The following PTPRD variants were observed in gnomAD, a reference collection of about 807,000 sequenced individuals.
PTPRD encodes receptor-type tyrosine-protein phosphatase delta.
A neutral mutation model predicts 214.5 loss-of-function variants in PTPRD; 34 were observed. That is an observed-to-expected ratio of 0.16 (90% CI 0.12 to 0.21). The LOEUF (loss-of-function observed/expected upper bound fraction) is 0.21. Among genes scored for constraint, PTPRD ranks in the 10% least tolerant of loss-of-function variants. The pLI, the probability that PTPRD is intolerant of heterozygous loss-of-function variation, is 1.00. For missense variants in PTPRD, 2,545 were observed against 2,398.7 expected, an observed-to-expected ratio of 1.06 and a Z score of -1.27; for synonymous variants, 1,128 against 845.7, an observed-to-expected ratio of 1.33 and a Z score of -5.79.
At chr9:8,730,975 C>T (rs141115177) in intron 12 of PTPRD, among the ~76,000 whole-genome samples, 8 of 152,272 alleles carry the variant, frequency 5.3e-5, no homozygotes, top group Non-Finnish European at 1.2e-4. Flanking sequence ...TACAAACACA[C>T]GTCTAGCTTT....
chr9:8,779,860 G>C (rs967186376), intron 11 of PTPRD, among the ~76,000 whole-genome samples: 15 of 149,184 alleles, frequency 1.0e-4, no homozygotes, highest in Non-Finnish European at 1.9e-4. Context: ...CTTGGACTGT[G>C]GGTATGATCA....
At chr9:8,973,401 T>G (rs10816024) in intron 11 of PTPRD, among the ~76,000 whole-genome samples, 74,050 of 151,890 alleles carry the variant, frequency 0.49, 18,553 homozygotes, top group East Asian at 0.76. Flanking sequence ...GATTTCATTC[T>G]TTTTTATGGC....
chr9:9,091,953 G>A (rs577902654), intron 10 of PTPRD, among the ~76,000 whole-genome samples: 5 of 152,130 alleles, frequency 3.3e-5, no homozygotes, highest in African/African-American at 1.2e-4. Flanking sequence ...TATCTGCCAG[G>A]ATTAGACAAT....
At chr9:9,493,849 T>A (rs1589819320) in intron 8 of PTPRD, among the ~76,000 whole-genome samples, 1 of 150,460 alleles carries the variant, frequency 6.6e-6, no homozygotes. Context: ...TAAGGTTATA[T>A]CTATCATAGA....
intron 10 of PTPRD, among the ~76,000 whole-genome samples, chr9:9,108,615 GA>G (rs955375311): frequency 6.6e-6 from 1 of 152,012 alleles, no homozygotes; most frequent in Non-Finnish European, 1.5e-5. Context: ...CGAAGCAATG[GA>G]AAAAAACAGT....
At chr9:9,046,218 T>G (rs1268276415) in intron 10 of PTPRD, among the ~76,000 whole-genome samples, 1 of 152,166 alleles carries the variant, frequency 6.6e-6, no homozygotes, top group Non-Finnish European at 1.5e-5. Flanking sequence ...AAGCTAGTTG[T>G]TATAATTAGA....
At chr9:8,557,332 A>T (rs1362169686) in intron 14 of PTPRD, among the ~76,000 whole-genome samples, 2 of 151,630 alleles carry the variant, frequency 1.3e-5, no homozygotes, top group Non-Finnish European at 2.9e-5. Flanking sequence ...AACTCAATAC[A>T]TGTCATGCTC....
At chr9:9,092,485 AGTG>A (rs1240441803) in intron 10 of PTPRD, among the ~76,000 whole-genome samples, 1 of 152,086 alleles carries the variant, frequency 6.6e-6, no homozygotes, top group Non-Finnish European at 1.5e-5. Context: ...GGACAAGGGA[AGTG>A]TATTCATAAA....
intron 3 of PTPRD, among the ~76,000 whole-genome samples, chr9:10,188,676 G>A (rs1370625276): frequency 6.6e-6 from 1 of 151,934 alleles, no homozygotes; most frequent in Non-Finnish European, 1.5e-5. Context: ...AGTCATGGGT[G>A]TGCATGAGCA....
intron 14 of PTPRD, among the ~76,000 whole-genome samples, chr9:8,586,866 G>A (rs888787789): frequency 1.3e-4 from 20 of 152,210 alleles, no homozygotes; most frequent in African/African-American, 3.6e-4. Context: ...AACTGAAGCC[G>A]GCTGGGCGCC....
intron 3 of PTPRD, among the ~76,000 whole-genome samples, chr9:10,239,167 T>G (rs2099638635): frequency 6.6e-6 from 1 of 151,986 alleles, no homozygotes; most frequent in African/African-American, 2.4e-5. Flanking sequence ...TTAAAAAAGA[T>G]TAATCTTAGA....
intron 11 of PTPRD, among the ~76,000 whole-genome samples, chr9:8,949,148 C>G (rs1380989635): frequency 6.7e-6 from 1 of 149,256 alleles, no homozygotes. Context: ...CGCTTGAACC[C>G]GGGAGGTGGA....
chr9:10,190,920 G>C (rs9969755), intron 3 of PTPRD, among the ~76,000 whole-genome samples: 6 of 152,000 alleles, frequency 3.9e-5, no homozygotes, highest in Non-Finnish European at 5.9e-5. Flanking sequence ...TAAGGCACCA[G>C]TTAACTATTG....
chr9:9,709,611 G>C (rs553296407), intron 7 of PTPRD, among the ~76,000 whole-genome samples: 2 of 152,088 alleles, frequency 1.3e-5, no homozygotes, highest in East Asian at 3.9e-4. Context: ...GCTTTATTAA[G>C]TAGTACATTT....
At chr9:8,928,343 A>G (rs917514839) in intron 11 of PTPRD, among the ~76,000 whole-genome samples, 2 of 152,134 alleles carry the variant, frequency 1.3e-5, no homozygotes, top group Non-Finnish European at 2.9e-5. Flanking sequence ...TAGGTCTAAC[A>G]TTTAAGTCTT....
At chr9:10,553,165 A>C (rs770675930) in intron 2 of PTPRD, among the ~76,000 whole-genome samples, 1 of 152,124 alleles carries the variant, frequency 6.6e-6, no homozygotes, top group Non-Finnish European at 1.5e-5. Context: ...GGAGGAGAGA[A>C]TGTAGTAGGA....
At chr9:8,897,142 G>C (rs2154247782) in intron 11 of PTPRD, among the ~76,000 whole-genome samples, 1 of 152,220 alleles carries the variant, frequency 6.6e-6, no homozygotes, top group Middle Eastern at 3.4e-3. Context: ...TGTTGAGGTA[G>C]AGACAGAGGC....
chr9:10,122,723 A>C (rs1041817743), intron 3 of PTPRD, among the ~76,000 whole-genome samples: 1 of 152,188 alleles, frequency 6.6e-6, no homozygotes, highest in African/African-American at 2.4e-5. Context: ...ATAGATATTA[A>C]TAGACAGGTA....
chr9:8,784,748 A>AT (rs2095868494), intron 11 of PTPRD, among the ~76,000 whole-genome samples: 2 of 152,194 alleles, frequency 1.3e-5, no homozygotes. Context: ...ATTAGTTAAC[A>AT]TCCCCCCTGT....
Sources: gnomAD v4.1 joint callset for allele counts (sites outside exome capture counted in the v4.1 genomes callset) on GRCh38, gnomAD v4.1.1 for gene constraint, MANE v1.5 for transcripts, NCBI Gene and HGNC (gene_info 2026-07-23, HGNC 2026-07-21) for gene names.